The following MAP1LC3C variants were observed in gnomAD, a reference collection of about 807,000 sequenced individuals.
MAP1LC3C encodes microtubule associated protein 1 light chain 3 gamma, also known as microtubule-associated protein 1 light chain 3 gamma.
A neutral mutation model predicts 10.4 loss-of-function variants in MAP1LC3C; 12 were observed. The ratio of observed to expected loss-of-function variants is 1.15; its 90% CI spans 0.74 to 1.86. The LOEUF is 1.86. MAP1LC3C is among the 40% of genes most tolerant of loss of function. The probability of loss-of-function intolerance (pLI) is 0.00; values close to 1 mark genes in which losing one functional copy is unlikely to be tolerated. For synonymous variants in MAP1LC3C, 70 were observed against 69.0 expected (o/e 1.01, Z -0.07); for missense variants, 177 against 185.7 (o/e 0.95, Z 0.27).
rs28434595 is a variant in MAP1LC3C at position 241,995,841 on chromosome 1, C to T, written c.*322G>A. 9.1e-3 allele frequency: 1,707 copies of T among 186,910 alleles called. 30 individuals are homozygous for T. Among genetic ancestry groups the T allele is most frequent in the African/African-American group, 0.037 (1,604 of 42,792 alleles). 11.6% of individuals were successfully genotyped at this position (186,910 alleles called of 1,614,324 possible). A position where few individuals can be genotyped will look rare whatever the true frequency, so the allele number is the denominator to read the frequency against. ...GGTGGAGGCAGAAGAATCACTTGAA[C>T]CCAGGAGGCGGAGGTTGCAGTGAGC... On this transcript the variant is annotated 3_prime_UTR_variant, in exon 4 of 4. Transcript: ENST00000357246.
At chr1:242,000,512 C>T (rs1457228273), upstream of MAP1LC3C, among the ~76,000 whole-genome samples, 1 of 152,208 alleles carries the variant, frequency 6.6e-6, no homozygotes, top group East Asian at 1.9e-4. Flanking sequence ...CATGCGTGAG[C>T]CACTGCGCCC....
rs1310332819 is a variant in MAP1LC3C, at chr1:241,996,014, A to G, written c.*149T>C. ...ACGGAGCACAAAAACTAAACTAGGA[A>G]GAGCCACCACTCTGCTGCCACTGGT... On this transcript the variant is annotated 3_prime_UTR_variant, in exon 4 of 4. Transcript: ENST00000357246. The G allele has an allele frequency of 1.7e-6, 1 of 595,602 alleles. No homozygotes were observed. The highest frequency in any genetic ancestry group is 2.8e-6 in the Non-Finnish European group (1 of 353,510). 36.9% of individuals were successfully genotyped at this position (595,602 alleles called of 1,614,324 possible). A position where few individuals can be genotyped will look rare whatever the true frequency, so the allele number is the denominator to read the frequency against.
In MAP1LC3C at chr1:241,999,056, C is replaced by T; in HGVS notation, c.-48G>A. ...TTTAAAAAAGAAAAAAAAACTGTCC[C>T]GCAACCGGGAACCTAACTCATTCCT... On this transcript the variant is annotated 5_prime_UTR_variant, in exon 1 of 4. Transcript: ENST00000357246. The T allele has an allele frequency of 2.6e-6, 4 of 1,560,532 alleles. No homozygotes were observed. Among genetic ancestry groups the T allele is most frequent in the Non-Finnish European group, 3.4e-6 (4 of 1,164,110 alleles).
chr1:241,999,858 G>A (rs1217502272), upstream of MAP1LC3C, among the ~76,000 whole-genome samples: 2 of 152,092 alleles, frequency 1.3e-5, no homozygotes, highest in Non-Finnish European at 2.9e-5. Context: ...TTACAAGGAA[G>A]TCCAAGTACT....
At chr1:241,997,142 G>T (rs1665101872) in intron 3 of MAP1LC3C, among the ~76,000 whole-genome samples, 2 of 151,794 alleles carry the variant, frequency 1.3e-5, no homozygotes, top group Non-Finnish European at 2.9e-5. Context: ...CAGGTAATCT[G>T]CCCTGCCTTG....
Position 241,998,581 on chromosome 1 carries a change from G to C in MAP1LC3C, c.154C>G (p.Pro52Ala), listed in dbSNP as rs769017183. ...ACCAGGAACTTGGTTTTGTCCAGCG[G>C]GGGCAGGAACGTCTCCCTGGGGTAG... ...ERYPRETFLP[P>A]LDKTKFLVPQ... The change falls in exon 3 of 4, where the codon CCG becomes GCG. Residue 52 changes from proline to alanine, a missense_variant. Coordinates refer to ENST00000357246, the MANE Select transcript of MAP1LC3C (RefSeq NM_001004343.3). The C allele has an allele frequency of 1.5e-5, 25 of 1,613,116 alleles. No homozygotes were observed. Among genetic ancestry groups the C allele is most frequent in the Non-Finnish European group, 2.0e-5 (24 of 1,179,766 alleles).
At position 241,998,850 on chromosome 1, in the gene MAP1LC3C, CA is replaced by C; in HGVS notation, c.59-20del. The stretch of plus-strand genomic sequence containing the variant: ...CTGATTGCTGTGAATATTTCAAGCA[CA>C]AGAGAAGAAGCAAAGATCAAGAAAA... On this transcript the variant is annotated intron_variant, in intron 1 of 3. Coordinates refer to ENST00000357246, the MANE Select transcript of MAP1LC3C (RefSeq NM_001004343.3). 1 of 1,614,006 alleles carries C rather than the reference CA, an allele frequency of 6.2e-7. No homozygotes were observed. Among genetic ancestry groups the C allele is most frequent in the Non-Finnish European group, 8.5e-7 (1 of 1,180,028 alleles).
chr1:241,998,534 G>A lies in MAP1LC3C; in HGVS notation c.201C>T (p.Thr67=). Residue 67 remains threonine (T), a synonymous_variant, in exon 3 of 4, where the codon ACC becomes ACT. Coordinates refer to ENST00000357246, the MANE Select transcript of MAP1LC3C (RefSeq NM_001004343.3). ...CCTACCGGATGATGCTGAGGAACTGGGTCATGGTCAGCTCCTGCGGGACCA... is the reference window on the plus strand; with the variant it reads ...CCTACCGGATGATGCTGAGGAACTGAGTCATGGTCAGCTCCTGCGGGACCA... ...KFLVPQELTM[T]QFLSIIRSRM... 6.2e-7 allele frequency: 1 copy of A among 1,614,098 alleles called. No homozygotes were observed. Among genetic ancestry groups the A allele is most frequent in the Non-Finnish European group, 8.5e-7 (1 of 1,180,002 alleles).
intron 3 of MAP1LC3C, among the ~76,000 whole-genome samples, chr1:241,997,798 G>A (rs1480841046): frequency 6.6e-6 from 1 of 152,000 alleles, no homozygotes; most frequent in Non-Finnish European, 1.5e-5. Context: ...TTCCTTTGGG[G>A]AGAAGTCCCC....
At chr1:241,998,742 C>A in intron 2 of MAP1LC3C, 34 bp downstream of exon 2, 2 of 1,613,956 alleles carry the variant, frequency 1.2e-6, no homozygotes, top group Non-Finnish European at 1.7e-6. Flanking sequence ...ACCCCACCCC[C>A]ACGCCCCCCA....
At chr1:241,996,488 C>T (rs985717097) in intron 3 of MAP1LC3C, 103 bp from the exon 4 acceptor site, 2 of 967,178 alleles carry the variant, frequency 2.1e-6, no homozygotes, top group East Asian at 2.5e-5. Flanking sequence ...TTCTTCTTCC[C>T]TGAGATTTAG....
chr1:241,998,683 C>CAG, intron 2 of MAP1LC3C, 63 bp from the exon 3 acceptor site: 7 of 1,608,040 alleles, frequency 4.4e-6, no homozygotes, highest in Non-Finnish European at 6.0e-6. Flanking sequence ...TTGGAACAGA[C>CAG]AGAGGGAAGC....
At position 241,999,003 on chromosome 1, in the gene MAP1LC3C, C is replaced by T. The variant is rs145416731; in HGVS notation, c.6G>A (p.Pro2=). 1.5e-5 allele frequency: 24 copies of T among 1,607,936 alleles called. No individual in the cohort carries two copies. The African/African-American group carries it at 2.7e-4, about 18-fold the overall frequency. The change falls in exon 1 of 4, where the codon CCG becomes CCA. Residue 2 remains proline, a synonymous_variant. Coordinates refer to ENST00000357246, the MANE Select transcript of MAP1LC3C (RefSeq NM_001004343.3). ...TGACGCTTGGGATTTTCTGTGGAGGCGGCATTGCACTCAGTAGCTGTGTCT... is the reference window on the plus strand; with the variant it reads ...TGACGCTTGGGATTTTCTGTGGAGGTGGCATTGCACTCAGTAGCTGTGTCT... M[P]PPQKIPSVRP... is the part of the protein sequence containing the mutation.
At position 241,999,010 on chromosome 1, in the gene MAP1LC3C, G is replaced by A. The variant is rs769666561; in HGVS notation, c.-2C>T. ...TGGGATTTTCTGTGGAGGCGGCATT[G>A]CACTCAGTAGCTGTGTCTGTTTTAA... is the stretch of plus-strand genomic sequence containing the variant. On this transcript the variant is annotated 5_prime_UTR_variant, in exon 1 of 4. Transcript: ENST00000357246. The A allele has an allele frequency of 6.2e-6, 10 of 1,606,214 alleles. No homozygotes were observed. In the East Asian group the frequency reaches 2.0e-4, roughly 32 times the overall value.
At position 241,998,502 on chromosome 1, in the gene MAP1LC3C, T is replaced by C. The variant is rs1300646343; in HGVS notation, c.221+12A>G. 3.7e-6 allele frequency: 6 copies of C among 1,613,158 alleles called. No individual in the cohort carries two copies. The South Asian group carries it at 6.6e-5, about 18-fold the overall frequency. On this transcript the variant is annotated intron_variant, in intron 3 of 3. Coordinates refer to ENST00000357246, the MANE Select transcript of MAP1LC3C (RefSeq NM_001004343.3). ...GCGCACCTTCCTCCGGGGCACGCTC[T>C]GCGCCACCTACCGGATGATGCTGAG...
At chr1:241,998,280 C>T (rs1406955418) in intron 3 of MAP1LC3C, among the ~76,000 whole-genome samples, 1 of 152,106 alleles carries the variant, frequency 6.6e-6, no homozygotes, top group African/African-American at 2.4e-5. Flanking sequence ...CCTCAGCCTC[C>T]CAGAGTGCTG....
chr1:242,000,856 T>C (rs1345584732), upstream of MAP1LC3C, among the ~76,000 whole-genome samples: 2 of 152,032 alleles, frequency 1.3e-5, no homozygotes, highest in Non-Finnish European at 2.9e-5. Flanking sequence ...CCCTCTACCC[T>C]CCCCAGAGGC....
chr1:241,998,747 C>T (rs747316657), intron 2 of MAP1LC3C, 29 bp downstream of exon 2: 1 of 1,613,984 alleles, frequency 6.2e-7, no homozygotes, highest in South Asian at 1.1e-5. Flanking sequence ...ACCCCCACGC[C>T]CCCCAGCGGA....
intron 2 of MAP1LC3C, 56 bp from the exon 3 acceptor site, chr1:241,998,676 G>A: frequency 5.6e-6 from 9 of 1,608,196 alleles, no homozygotes; most frequent in Non-Finnish European, 7.7e-6. Context: ...TAGGAACTTG[G>A]AACAGACAGA....
Sources: gnomAD v4.1 joint callset for allele counts (sites outside exome capture counted in the v4.1 genomes callset) on GRCh38, gnomAD v4.1.1 for gene constraint, MANE v1.5 for transcripts, NCBI Gene and HGNC (gene_info 2026-07-23, HGNC 2026-07-21) for gene names.